Variants in EPB42 observed in about 807,000 individuals in gnomAD.
EPB42 encodes the protein protein 4.2.
In EPB42, 49 loss-of-function variants were observed where a neutral mutation model predicts 76.9. The ratio of observed to expected loss-of-function variants is 0.64; its 90% CI spans 0.51 to 0.81. The LOEUF is 0.81. Among genes scored for constraint, EPB42 ranks in the 30% least tolerant of loss-of-function variants. The pLI, the probability that EPB42 is intolerant of heterozygous loss-of-function variation, is 0.00. For missense variants in EPB42, 731 were observed against 867.6 expected, an observed-to-expected ratio of 0.84 and a Z score of 1.98; for synonymous variants, 310 against 338.4, an observed-to-expected ratio of 0.92 and a Z score of 0.92.
chr15:43,204,407 A>G (rs543633446), intron 10 of EPB42, among the ~76,000 whole-genome samples: 1 of 151,978 alleles, frequency 6.6e-6, no homozygotes, highest in African/African-American at 2.4e-5. Flanking sequence ...GAGCTCATCT[A>G]TGCCCTGACT....
In EPB42 at chr15:43,206,554, C is replaced by T. The variant is rs569683352; in HGVS notation, c.1394G>A (p.Arg465His). The T allele has an allele frequency of 2.7e-5, 44 of 1,614,206 alleles. No homozygotes were observed. In the Admixed American group the frequency reaches 2.8e-4, roughly 10 times the overall value. ...KMEREKDNGI[R>H]PPSLETASPL... ...ACTGGCAGTCTCGAGACTGGGAGGA[C>T]GGATGCCGTTGTCTTTCTCACGTTC... is the stretch of plus-strand genomic sequence containing the variant. The change falls in exon 10 of 13, where the codon CGT (arginine) becomes CAT (histidine). Residue 465 changes from arginine (R) to histidine (H), a missense_variant. Physicochemically the swap from Arg to His is conservative, Grantham distance 29. Coordinates refer to ENST00000441366, the MANE Select transcript of EPB42 (RefSeq NM_001114134.2). The surrounding 1 kb of genome is among the most constrained non-coding windows in gnomAD (Gnocchi z 4.7).
chr15:43,222,356 A>G (rs2042470272), upstream of EPB42, among the ~76,000 whole-genome samples: 1 of 152,240 alleles, frequency 6.6e-6, no homozygotes, highest in South Asian at 2.1e-4. Context: ...TATAATAGCA[A>G]CAACAACAAA....
At chr15:43,221,115 C>A, upstream of EPB42, 1 of 443,922 alleles carries the variant, frequency 2.3e-6, no homozygotes, top group Non-Finnish European at 4.2e-6. Flanking sequence ...ATACGCCTGG[C>A]AGCCCTGGGG....
chr15:43,204,278 CT>C lies in EPB42; in HGVS notation c.1619-1004del, dbSNP rs552382611. 2.5e-3 allele frequency among the ~76,000 whole-genome samples: 377 copies of C among 152,284 alleles called. 2 individuals are homozygous for C. Among genetic ancestry groups the C allele is most frequent in the African/African-American group, 8.6e-3 (356 of 41,566 alleles). On this transcript the variant is annotated intron_variant, in intron 10 of 12. Transcript: ENST00000441366. ...GCTGACCTTGCTGGGTGCCCCCTTTCTTTGACTATTTGACCTCCCTTACTCT... is the reference window on the plus strand; with the variant it reads ...GCTGACCTTGCTGGGTGCCCCCTTTCTTGACTATTTGACCTCCCTTACTCT...
At chr15:43,208,817 C>T (rs1401381108) in intron 6 of EPB42, 42 bp from the exon 7 acceptor site, 1 of 1,605,776 alleles carries the variant, frequency 6.2e-7, no homozygotes, top group Non-Finnish European at 8.5e-7. Flanking sequence ...GCTTGAGAGA[C>T]CGGGCTGGGG....
chr15:43,210,035 CT>C (rs377455316), intron 5 of EPB42, among the ~76,000 whole-genome samples: 35 of 152,350 alleles, frequency 2.3e-4, no homozygotes, highest in African/African-American at 8.2e-4. Flanking sequence ...GCCCTACCCA[CT>C]CCTTCCCATG....
At chr15:43,208,433 T>C in intron 7 of EPB42, 100 bp from the exon 8 acceptor site, 1 of 1,429,500 alleles carries the variant, frequency 7.0e-7, no homozygotes, top group Non-Finnish European at 9.8e-7. Flanking sequence ...TCCAGTGGGA[T>C]GGGAGGTCAC....
intron 3 of EPB42, among the ~76,000 whole-genome samples, chr15:43,212,922 G>A (rs1199156964): frequency 6.6e-6 from 1 of 152,166 alleles, no homozygotes; most frequent in East Asian, 1.9e-4. Flanking sequence ...ATCCAGAGGA[G>A]CTGCTAGGCT....
chr15:43,205,935 G>A (rs962926823), intron 10 of EPB42: 26 of 176,746 alleles, frequency 1.5e-4, no homozygotes, highest in African/African-American at 5.9e-4. Context: ...TGCTCCTTCC[G>A]TCTGGAATGC....
In EPB42 at chr15:43,210,351, C is replaced by T. The variant is rs370874819; in HGVS notation, c.638G>A (p.Arg213His). ...EKWSQPVHVARVLGALLHFLK... is the reference protein window; with the variant it reads ...EKWSQPVHVAHVLGALLHFLK... ...CTCGCTTACCAAGGCACCCAACACA[C>T]GGGCCACGTGCACCGGCTGGCTCCA... The change falls in exon 5 of 13, where the codon CGT (arginine) becomes CAT (histidine). Residue 213 changes from arginine (R) to histidine (H), a missense_variant. Coordinates refer to ENST00000441366, the MANE Select transcript of EPB42 (RefSeq NM_001114134.2). 3.7e-6 allele frequency: 6 copies of T among 1,613,636 alleles called. No individual in the cohort carries two copies. Among genetic ancestry groups the T allele is most frequent in the East Asian group, 4.5e-5 (2 of 44,876 alleles).
intron 1 of EPB42, among the ~76,000 whole-genome samples, chr15:43,219,198 G>A (rs897140234): frequency 4.6e-5 from 7 of 152,112 alleles, no homozygotes; most frequent in Non-Finnish European, 8.8e-5. Flanking sequence ...GAAGAGGCGC[G>A]GACTGGCACA....
At chr15:43,221,122 G>C, upstream of EPB42, 1 of 440,802 alleles carries the variant, frequency 2.3e-6, no homozygotes. Flanking sequence ...TGGCAGCCCT[G>C]GGGGAGGGGG....
rs1484417920 is a variant in EPB42, at chr15:43,206,212, G to A, written c.1618+118C>T. On this transcript the variant is annotated intron_variant, in intron 10 of 12. Coordinates refer to ENST00000441366, the MANE Select transcript of EPB42 (RefSeq NM_001114134.2). The surrounding 1 kb of genome is among the most constrained non-coding windows in gnomAD (Gnocchi z 4.7). ...AGAGAGAACATGAGAGTGAGCAGCA[G>A]GGGCTCAAAGCCATCTCTAGAGACT... The A allele has an allele frequency of 1.9e-6, 2 of 1,040,098 alleles. No individual in the cohort carries two copies. Among genetic ancestry groups the A allele is most frequent in the East Asian group, 5.2e-5 (2 of 38,142 alleles). The allele number at this position is 1,040,098 out of a possible 1,614,324, so 64.4% of individuals were successfully genotyped here. A position where few individuals can be genotyped will look rare whatever the true frequency, so the allele number is the denominator to read the frequency against.
At chr15:43,203,362 A>G (rs912994169) in intron 10 of EPB42, 87 bp from the exon 11 acceptor site, 16 of 1,547,364 alleles carry the variant, frequency 1.0e-5, no homozygotes, top group Admixed American at 3.6e-5. Flanking sequence ...CAAAGGACTC[A>G]GGGCCTCACT....
intron 1 of EPB42, among the ~76,000 whole-genome samples, chr15:43,217,376 A>G (rs2042395488): frequency 6.6e-6 from 1 of 152,208 alleles, no homozygotes; most frequent in African/African-American, 2.4e-5. Flanking sequence ...TATAGCCCGC[A>G]GAACCATGAG....
At chr15:43,211,670 G>A (rs981373870) in intron 3 of EPB42, 136 bp from the exon 4 acceptor site, 1 of 728,686 alleles carries the variant, frequency 1.4e-6, no homozygotes, top group Non-Finnish European at 2.5e-6. Context: ...TGAAGACTGA[G>A]GAGGAAGTCC....
At chr15:43,220,662 A>ACCC in intron 1 of EPB42, 154 bp downstream of exon 1, 5 of 262,878 alleles carry the variant, frequency 1.9e-5, no homozygotes, top group South Asian at 5.3e-5. Context: ...CCCCCCCCAC[A>ACCC]GCCACCTCAT....
At chr15:43,204,848 A>AC (rs1236121487) in intron 10 of EPB42, among the ~76,000 whole-genome samples, 1 of 151,784 alleles carries the variant, frequency 6.6e-6, no homozygotes. Flanking sequence ...GCCAGGCCAC[A>AC]CCCCAAATCA....
At chr15:43,208,109 G>C in intron 8 of EPB42, 121 bp downstream of exon 8, 1 of 820,326 alleles carries the variant, frequency 1.2e-6, no homozygotes, top group Non-Finnish European at 2.0e-6. Context: ...GTCATGCCTC[G>C]TGCTTCTACT....
Sources: gnomAD v4.1 joint callset for allele counts (sites outside exome capture counted in the v4.1 genomes callset) on GRCh38, gnomAD v4.1.1 for gene constraint, Gnocchi (gnomAD v3.1) non-coding constraint, MANE v1.5 for transcripts, NCBI Gene and HGNC (gene_info 2026-07-23, HGNC 2026-07-21) for gene names.